Variants in CPPED1 observed in about 807,000 individuals in gnomAD.
The protein encoded by CPPED1 is serine/threonine-protein phosphatase CPPED1.
In CPPED1, 28 loss-of-function variants were observed where a neutral mutation model predicts 28.0. The observed-to-expected ratio is 1.00, with a 90% CI of 0.74 to 1.37. CPPED1 has a LOEUF of 1.37. CPPED1 is among the 40% of genes most tolerant of loss of function. The pLI is 0.00. For missense variants in CPPED1, 504 were observed against 416.5 expected (o/e 1.21, Z -1.83); for synonymous variants, 198 against 180.2 (o/e 1.10, Z -0.79).
intron 2 of CPPED1, among the ~76,000 whole-genome samples, chr16:12,737,200 T>G (rs995336796): frequency 2.0e-5 from 3 of 151,336 alleles, no homozygotes; most frequent in Admixed American, 1.3e-4. Flanking sequence ...AAAAAAATAA[T>G]AATAATAATA....
At chr16:12,685,624 C>T (rs1478562125) in intron 3 of CPPED1, among the ~76,000 whole-genome samples, 1 of 152,108 alleles carries the variant, frequency 6.6e-6, no homozygotes, top group African/African-American at 2.4e-5. Flanking sequence ...GGACATTTTT[C>T]TTCCTTGCCT....
chr16:12,791,794 T>C (rs1269448979), intron 1 of CPPED1, among the ~76,000 whole-genome samples: 1 of 152,230 alleles, frequency 6.6e-6, no homozygotes, highest in African/African-American at 2.4e-5. Context: ...CACGTTTGCA[T>C]TCCCTTTCTG....
Position 12,704,598 on chromosome 16 carries a change from T to C in CPPED1, c.715+26A>G, listed in dbSNP as rs778947063. ...CCTCTCTAGACTTGTCCTTCCTCCC[T>C]GAAACCCGTGGCCCGGGGCCTCTAC... is the stretch of plus-strand genomic sequence containing the variant. On this transcript the variant is annotated intron_variant, in intron 3 of 3. Transcript: ENST00000381774. 12 of 1,584,180 alleles carry C rather than the reference T, an allele frequency of 7.6e-6. No homozygotes were observed. The African/African-American group carries it at 1.5e-4, about 19-fold the overall frequency.
At chr16:12,779,459 G>A (rs376877575) in intron 2 of CPPED1, among the ~76,000 whole-genome samples, 3 of 151,802 alleles carry the variant, frequency 2.0e-5, no homozygotes, top group Non-Finnish European at 4.4e-5. Flanking sequence ...CGCGATCTCA[G>A]CTCACTGCAA....
At position 12,803,863 on chromosome 16, in the gene CPPED1, G is replaced by T. The variant is rs78475654; in HGVS notation, c.-87C>A. 7 of 1,310,142 alleles carry T rather than the reference G, an allele frequency of 5.3e-6. No homozygotes were observed. The highest frequency in any genetic ancestry group is 3.1e-5 in the East Asian group (1 of 31,944). 81.2% of individuals were successfully genotyped at this position (1,310,142 alleles called of 1,614,324 possible). A position where few individuals can be genotyped will look rare whatever the true frequency, so the allele number is the denominator to read the frequency against. On this transcript the variant is annotated 5_prime_UTR_variant, in exon 1 of 4. Coordinates refer to ENST00000381774, the MANE Select transcript of CPPED1 (RefSeq NM_018340.3). ...ACAGAACAACCGCTGGACCTGTCCC[G>T]CTTTGGGCGACGCCCTTTGATCTCG... is the stretch of plus-strand genomic sequence containing the variant.
chr16:12,745,573 C>G (rs371663161), intron 2 of CPPED1, among the ~76,000 whole-genome samples: 44 of 152,286 alleles, frequency 2.9e-4, no homozygotes, highest in African/African-American at 1.1e-3. Flanking sequence ...AACCCAGGAA[C>G]AGAAAACCAA....
At chr16:12,774,303 A>T (rs995861568) in intron 2 of CPPED1, among the ~76,000 whole-genome samples, 9 of 152,078 alleles carry the variant, frequency 5.9e-5, no homozygotes, top group Non-Finnish European at 1.0e-4. Context: ...CCCCATCTCT[A>T]CTAAAATTAC....
chr16:12,727,042 G>A (rs955787069), intron 2 of CPPED1, among the ~76,000 whole-genome samples: 3 of 152,116 alleles, frequency 2.0e-5, no homozygotes, highest in African/African-American at 7.2e-5. Flanking sequence ...CACAGCACCT[G>A]TCAAGGAACC....
At chr16:12,688,330 ATTT>A (rs762320027) in intron 3 of CPPED1, among the ~76,000 whole-genome samples, 79 of 130,382 alleles carry the variant, frequency 6.1e-4, no homozygotes, top group African/African-American at 1.2e-3. Context: ...CTACTCCAGG[ATTT>A]TTTTTTTTTT....
chr16:12,707,630 T>C (rs981295510), intron 2 of CPPED1, among the ~76,000 whole-genome samples: 2 of 152,060 alleles, frequency 1.3e-5, no homozygotes, highest in African/African-American at 4.8e-5. Context: ...CTAATGACCA[T>C]AAACAGAAAA....
At chr16:12,738,317 T>C (rs1390237883) in intron 2 of CPPED1, among the ~76,000 whole-genome samples, 1 of 152,088 alleles carries the variant, frequency 6.6e-6, no homozygotes, top group Non-Finnish European at 1.5e-5. Context: ...GAAGGAAATA[T>C]GCCAACAATG....
intron 3 of CPPED1, among the ~76,000 whole-genome samples, chr16:12,697,412 T>C (rs2079997539): frequency 6.6e-6 from 1 of 152,012 alleles, no homozygotes; most frequent in South Asian, 2.1e-4. Context: ...GGGGAACATG[T>C]GCCTCACCCA....
chr16:12,705,024 C>T lies in CPPED1; in HGVS notation c.315G>A (p.Thr105=), dbSNP rs1377922941. Residue 105 remains threonine, a synonymous_variant, in exon 3 of 4, where the codon ACG becomes ACA. Transcript: ENST00000381774. The part of the protein sequence containing the change: ...MPGKPWRTEQ[T]EDLKRVLRAV... ...CCCTAAGCACTCGCTTCAGGTCCTC[C>T]GTCTGCTCCGTCCGCCACGGCTTCC... The T allele has an allele frequency of 1.3e-5, 21 of 1,611,748 alleles. No individual in the cohort carries two copies. The highest frequency in any genetic ancestry group is 4.0e-5 in the African/African-American group (3 of 74,908).
intron 3 of CPPED1, among the ~76,000 whole-genome samples, chr16:12,697,887 G>A (rs531676737): frequency 1.4e-4 from 21 of 152,210 alleles, no homozygotes; most frequent in South Asian, 4.2e-4. Flanking sequence ...CAAGGTGAGC[G>A]GATCACTTGA....
chr16:12,720,742 T>C (rs2080135521), intron 2 of CPPED1, among the ~76,000 whole-genome samples: 1 of 152,256 alleles, frequency 6.6e-6, no homozygotes, highest in African/African-American at 2.4e-5. Context: ...CCTTCAAAAG[T>C]GCTGGGATTA....
intron 2 of CPPED1, among the ~76,000 whole-genome samples, chr16:12,740,066 GA>G (rs1054119441): frequency 2.8e-5 from 4 of 145,420 alleles, no homozygotes; most frequent in Admixed American, 2.0e-4. Flanking sequence ...AAGGAGAAAA[GA>G]AAAAAAGAAA....
intron 2 of CPPED1, among the ~76,000 whole-genome samples, chr16:12,765,408 G>A (rs2080432769): frequency 6.6e-6 from 1 of 152,164 alleles, no homozygotes. Flanking sequence ...TGTTGAATCT[G>A]TACTGTTAAC....
chr16:12,721,085 A>T (rs865974531), intron 2 of CPPED1, among the ~76,000 whole-genome samples: 1 of 152,188 alleles, frequency 6.6e-6, no homozygotes. Flanking sequence ...CTGGGAACCC[A>T]GGTGGAGTGA....
In CPPED1 at chr16:12,682,590, A is replaced by G. The variant is rs1217768656; in HGVS notation, c.716-17475T>C. ...GGGCAGCAACATATCTGAACTCCTCATTTGGAAGGCAAGACTAGTATCAAC... is the reference window on the plus strand; with the variant it reads ...GGGCAGCAACATATCTGAACTCCTCGTTTGGAAGGCAAGACTAGTATCAAC... On this transcript the variant is annotated intron_variant, in intron 3 of 3. Transcript: ENST00000381774. This position sits in a 1 kb window ranked among gnomAD's most constrained non-coding sequence, Gnocchi z 6.1. 6.6e-6 allele frequency among the ~76,000 whole-genome samples: 1 copy of G among 152,088 alleles called. No homozygotes were observed. Among genetic ancestry groups the G allele is most frequent in the Non-Finnish European group, 1.5e-5 (1 of 68,020 alleles).
Sources: gnomAD v4.1 joint callset for allele counts (sites outside exome capture counted in the v4.1 genomes callset) on GRCh38, gnomAD v4.1.1 for gene constraint, Gnocchi (gnomAD v3.1) non-coding constraint, MANE v1.5 for transcripts, NCBI Gene and HGNC (gene_info 2026-07-23, HGNC 2026-07-21) for gene names.